Variants in DLST observed in about 807,000 individuals in gnomAD.
The protein encoded by DLST is dihydrolipoyllysine-residue succinyltransferase component of 2-oxoglutarate dehydrogenase complex, mitochondrial.
In DLST, 17 loss-of-function variants were observed where a neutral mutation model predicts 53.1. The observed-to-expected ratio is 0.32, with a 90% CI of 0.22 to 0.48. DLST has a LOEUF of 0.48. Ranked by LOEUF, DLST falls within the 20% of genes least tolerant of loss-of-function variation. The pLI is 0.99. For synonymous variants in DLST, 206 were observed against 204.8 expected (o/e 1.01, Z -0.05); for missense variants, 512 against 583.9 (o/e 0.88, Z 1.27).
intron 5 of DLST, chr14:74,889,649 A>G (rs1883832214): frequency 1.8e-6 from 1 of 551,732 alleles, no homozygotes; most frequent in African/African-American, 1.9e-5. Flanking sequence ...TTGGGATTAC[A>G]GGCCTGAGCC....
chr14:74,900,376 A>G lies in DLST; in HGVS notation c.1059+4A>G, dbSNP rs1462894344. 6.2e-7 allele frequency: 1 copy of G among 1,613,012 alleles called. No individual in the cohort carries two copies. The highest frequency in any genetic ancestry group is 1.1e-5 in the South Asian group (1 of 91,044). ...CATCACTGAACTGGGAGAGAAGGTA[A>G]AGTAGAAAGATGTATACAAGCTGCT... is the stretch of plus-strand genomic sequence containing the variant. On this transcript the variant is annotated splice_donor_region_variant and intron_variant, in intron 13 of 14. Coordinates refer to ENST00000334220, the MANE Select transcript of DLST (RefSeq NM_001933.5).
intron 2 of DLST, among the ~76,000 whole-genome samples, chr14:74,884,411 G>A (rs187935874): frequency 8.5e-5 from 13 of 152,300 alleles, no homozygotes; most frequent in Admixed American, 3.3e-4. Flanking sequence ...ACAATGGAAA[G>A]AGCCTTGCAC....
rs1215642909 is a variant in DLST, at chr14:74,903,604, G to C, written c.*1274G>C. Reference sequence around the variant, plus strand: ...TTAAGCCAAGAAGTGAGGCCTGGGGGTGGGGGAGGGGGGAAGGGGTGGGAG... The same window carrying C: ...TTAAGCCAAGAAGTGAGGCCTGGGGCTGGGGGAGGGGGGAAGGGGTGGGAG... On this transcript the variant is annotated 3_prime_UTR_variant, in exon 15 of 15. Coordinates refer to ENST00000334220, the MANE Select transcript of DLST (RefSeq NM_001933.5). The C allele has an allele frequency of 6.6e-6, 1 of 150,386 alleles. No homozygotes were observed. The highest frequency in any genetic ancestry group is 1.5e-5 in the Non-Finnish European group (1 of 67,686). 9.3% of individuals were successfully genotyped at this position (150,386 alleles called of 1,614,324 possible).
chr14:74,902,066 A>G, intron 14 of DLST, 130 bp from the exon 15 acceptor site: 3 of 1,005,236 alleles, frequency 3.0e-6, no homozygotes, highest in Non-Finnish European at 4.1e-6. Flanking sequence ...AATACTGTAA[A>G]TATGCAGAGG....
intron 2 of DLST, among the ~76,000 whole-genome samples, chr14:74,884,358 A>G (rs1266324305): frequency 6.6e-6 from 1 of 152,182 alleles, no homozygotes; most frequent in Non-Finnish European, 1.5e-5. Context: ...GGGAACCCTG[A>G]ACAATGTCAG....
At chr14:74,898,333 G>C in intron 10 of DLST, 36 bp from the exon 11 acceptor site, 3 of 1,600,848 alleles carry the variant, frequency 1.9e-6, no homozygotes, top group Non-Finnish European at 2.6e-6. Flanking sequence ...CAAAATGCAG[G>C]CTTTGTGGTC....
In DLST at chr14:74,891,131, G is replaced by C; in HGVS notation, c.406G>C (p.Gly136Arg). ...GGTACCTGATGGGGGAAAAGTCGAA[G>C]GAGGCACTCCACTTTTCACACTCAG... The part of the protein sequence containing the change: ...LLVPDGGKVE[G>R]GTPLFTLRKT... Residue 136 changes from glycine to arginine, a missense_variant, in exon 7 of 15, where the codon GGA becomes CGA. By Grantham distance (125) the Gly-to-Arg change is moderately radical. Around this residue, in one of 4 missense-constraint regions of DLST, gnomAD observed 162 missense variants for 162.0 expected, o/e 1.00. Transcript: ENST00000334220. 6.2e-7 allele frequency: 1 copy of C among 1,614,134 alleles called. No individual in the cohort carries two copies. Among genetic ancestry groups the C allele is most frequent in the Non-Finnish European group, 8.5e-7 (1 of 1,179,998 alleles).
Position 74,894,351 on chromosome 14 carries a change from C to T in DLST, c.712C>T (p.Leu238=). 6.2e-7 allele frequency: 1 copy of T among 1,614,162 alleles called. No individual in the cohort carries two copies. Among genetic ancestry groups the T allele is most frequent in the Admixed American group, 1.7e-5 (1 of 60,026 alleles). ...NRMRQRIAQR[L]KEAQNTCAML... ...GATGCGGCAGCGCATTGCTCAGCGT[C>T]TGAAGGAGGCCCAGAATACATGTGC... The change falls in exon 10 of 15, where the codon CTG becomes TTG. Residue 238 remains leucine, a synonymous_variant. Transcript: ENST00000334220.
intron 2 of DLST, among the ~76,000 whole-genome samples, chr14:74,883,259 C>T (rs965682640): frequency 6.8e-6 from 1 of 147,640 alleles, no homozygotes; most frequent in Non-Finnish European, 1.5e-5. Context: ...CGCGCCACTG[C>T]ACTCCAGCCT....
chr14:74,894,691 GC>G (rs750843784), intron 10 of DLST, among the ~76,000 whole-genome samples: 1 of 151,882 alleles, frequency 6.6e-6, no homozygotes, highest in South Asian at 2.1e-4. Flanking sequence ...GAATACAGGC[GC>G]CCCCCACCAC....
Position 74,897,637 on chromosome 14 carries a change from G to A in DLST, c.771-732G>A, listed in dbSNP as rs112212802. On this transcript the variant is annotated intron_variant, in intron 10 of 14. Coordinates refer to ENST00000334220, the MANE Select transcript of DLST (RefSeq NM_001933.5). ...AATCACAGCCATTAAACTAATCTTA[G>A]GGCAAGAACTATGTCTTAATTAGCT... Among the ~76,000 whole-genome samples, 872 of 152,312 alleles carry A rather than the reference G, an allele frequency of 5.7e-3. 11 individuals carry two copies. Among genetic ancestry groups the A allele is most frequent in the Non-Finnish European group, 9.4e-3 (642 of 68,030 alleles).
At chr14:74,892,242 C>A (rs1046002155) in intron 7 of DLST, among the ~76,000 whole-genome samples, 2 of 152,146 alleles carry the variant, frequency 1.3e-5, no homozygotes, top group Non-Finnish European at 2.9e-5. Context: ...GCCACCACGC[C>A]CAGCTAATTT....
In DLST at chr14:74,898,479, A is replaced by G. The variant is rs756729839; in HGVS notation, c.881A>G (p.Glu294Gly). ...FVKASAFALQ[E>G]QPVVNAVIDD... Reference sequence around the variant, plus strand: ...AAGGCCTCAGCCTTTGCCTTGCAGGAACAGCCTGTTGTAAATGCAGGTGAG... The same window carrying G: ...AAGGCCTCAGCCTTTGCCTTGCAGGGACAGCCTGTTGTAAATGCAGGTGAG... Residue 294 changes from glutamate to glycine, a missense_variant, in exon 11 of 15, where the codon GAA becomes GGA. Coordinates refer to ENST00000334220, the MANE Select transcript of DLST (RefSeq NM_001933.5). 13 of 1,614,148 alleles carry G rather than the reference A, an allele frequency of 8.1e-6. No homozygotes were observed. Among genetic ancestry groups the G allele is most frequent in the Non-Finnish European group, 1.1e-5 (13 of 1,180,022 alleles).
Position 74,887,458 on chromosome 14 carries a change from A to G in DLST, c.147-1637A>G, listed in dbSNP as rs370551736. On this transcript the variant is annotated intron_variant, in intron 3 of 14. Transcript: ENST00000334220. ...GTAAACTTTGTGTGGGATCACCCCA[A>G]TCATGTCACCCTAATCCAGTATCTT... Among the ~76,000 whole-genome samples, 11 of 152,356 alleles carry G rather than the reference A, an allele frequency of 7.2e-5. No homozygotes were observed. The East Asian group carries it at 7.7e-4, about 11-fold the overall frequency.
At chr14:74,890,017 A>G in intron 6 of DLST, 65 bp downstream of exon 6, 13 of 1,433,174 alleles carry the variant, frequency 9.1e-6, no homozygotes, top group Non-Finnish European at 1.3e-5. Flanking sequence ...AATGAAAGAA[A>G]CAGGGACTTA....
chr14:74,888,690 G>A (rs376112814), intron 3 of DLST, among the ~76,000 whole-genome samples: 1 of 152,176 alleles, frequency 6.6e-6, no homozygotes. Context: ...CTGGGTGACA[G>A]AGCAAGACTC....
In DLST at chr14:74,893,336, T is replaced by C. The variant is rs748639081; in HGVS notation, c.596-12T>C. ...CTTGTCTGATGCAGCTTTATCCTCT[T>C]TTCATTTTCAGTGTCTGCAGTAAAA... On this transcript the variant is annotated splice_polypyrimidine_tract_variant and intron_variant, in intron 8 of 14. Transcript: ENST00000334220. 4.3e-6 allele frequency: 7 copies of C among 1,614,128 alleles called. No individual in the cohort carries two copies. The highest frequency in any genetic ancestry group is 2.5e-6 in the Non-Finnish European group (3 of 1,179,990).
chr14:74,889,586 G>A, intron 5 of DLST: 3 of 538,678 alleles, frequency 5.6e-6, no homozygotes, highest in Non-Finnish European at 9.8e-6. Context: ...GGTCAGGCTG[G>A]TCTCAAACTC....
rs147816400 is a variant in DLST, at chr14:74,889,096, A to T, written c.148A>T (p.Ile50Phe). ...PGYPNSRKVV[I>F]NNSVFSVRFF... ...AGTTAACGTGTGTTTCTTTTGTAGC[A>T]TTAACAACAGTGTCTTCAGTGTTCG... Residue 50 changes from isoleucine to phenylalanine, a missense_variant and splice_region_variant, in exon 4 of 15, where the codon ATT becomes TTT. This residue lies in a region of DLST where 129 missense variants were observed against 90.9 expected (regional missense o/e 1.42). Coordinates refer to ENST00000334220, the MANE Select transcript of DLST (RefSeq NM_001933.5). 333 of 1,614,024 alleles carry T rather than the reference A, an allele frequency of 2.1e-4. 1 individual carries two copies. The highest frequency in any genetic ancestry group is 5.5e-5 in the Non-Finnish European group (65 of 1,180,042).
Sources: gnomAD v4.1 joint callset for allele counts (sites outside exome capture counted in the v4.1 genomes callset) on GRCh38, gnomAD v4.1.1 for gene constraint, gnomAD v4.1.1 regional missense constraint, MANE v1.5 for transcripts, NCBI Gene and HGNC (gene_info 2026-07-23, HGNC 2026-07-21) for gene names.